VPS13D: variants seen among roughly 807,000 people sequenced by gnomAD.
The protein encoded by VPS13D is vacuolar protein sorting 13 homolog D.
A neutral mutation model predicts 461.9 loss-of-function variants in VPS13D; 187 were observed. The observed-to-expected ratio is 0.40, with a 90% CI of 0.36 to 0.46. VPS13D has a LOEUF of 0.46. Among genes scored for constraint, VPS13D ranks in the 20% least tolerant of loss-of-function variants. The pLI, the probability that VPS13D is intolerant of heterozygous loss-of-function variation, is 0.60. For missense variants in VPS13D, 4,711 were observed against 5,364.9 expected (o/e 0.88, Z 3.81); for synonymous variants, 1,951 against 1,986.3 (o/e 0.98, Z 0.47).
chr1:12,453,534 G>C lies in VPS13D; in HGVS notation c.12334-2464G>C, dbSNP rs1480768729. 2.0e-5 allele frequency among the ~76,000 whole-genome samples: 3 copies of C among 152,238 alleles called. No individual in the cohort carries two copies. In the East Asian group the frequency reaches 5.8e-4, roughly 29 times the overall value. Reference sequence around the variant, plus strand: ...CTTAACTGTGGTTCTCACAGCGTCTGGGGCACCAGAGAGACACGTTTTTGT... The same window carrying C: ...CTTAACTGTGGTTCTCACAGCGTCTCGGGCACCAGAGAGACACGTTTTTGT... On this transcript the variant is annotated intron_variant, in intron 65 of 69. Coordinates refer to ENST00000620676, the MANE Select transcript of VPS13D (RefSeq NM_015378.4).
At chr1:12,456,592 C>G (rs1367966183) in intron 66 of VPS13D, among the ~76,000 whole-genome samples, 1 of 134,014 alleles carries the variant, frequency 7.5e-6, no homozygotes, top group Non-Finnish European at 1.5e-5. Flanking sequence ...GAGCTGAGAT[C>G]GTGCCACTGC....
intron 46 of VPS13D, among the ~76,000 whole-genome samples, chr1:12,352,965 C>CAAAAAAAAAAAAAAAAAAAAAAA (rs61588046): frequency 5.7e-5 from 1 of 17,588 alleles, no homozygotes; most frequent in Non-Finnish European, 1.0e-4. Flanking sequence ...AACTCAGTCT[C>CAAAAAAAAAAAAAAAAAAAAAAA]AAAAAAAAAA....
chr1:12,370,583 A>G (rs564853159), intron 54 of VPS13D, among the ~76,000 whole-genome samples: 1 of 152,350 alleles, frequency 6.6e-6, no homozygotes, highest in African/African-American at 2.4e-5. Context: ...TAATAATTGA[A>G]TCTGCAGAGA....
At chr1:12,404,360 T>C (rs888939786) in intron 63 of VPS13D, among the ~76,000 whole-genome samples, 4 of 152,130 alleles carry the variant, frequency 2.6e-5, no homozygotes, top group African/African-American at 9.7e-5. Flanking sequence ...GCATCTTCTT[T>C]TTGTGCCCGA....
chr1:12,459,948 ATT>A (rs779399019), intron 66 of VPS13D, among the ~76,000 whole-genome samples: 15,148 of 121,636 alleles, frequency 0.12, 971 homozygotes, highest in African/African-American at 0.27. Flanking sequence ...CTTTTCTCTG[ATT>A]TTTTTTTTTT....
At chr1:12,286,100 A>G (rs925079087) in intron 21 of VPS13D, among the ~76,000 whole-genome samples, 3 of 141,690 alleles carry the variant, frequency 2.1e-5, no homozygotes, top group Admixed American at 1.5e-4. Flanking sequence ...TTCTTTTCGA[A>G]GGAGTCTTGC....
rs1487835077 is a variant in VPS13D, at chr1:12,369,423, A to G, written c.10573-44A>G. Reference sequence around the variant, plus strand: ...CACTGACTCACTTTTCAGTAACCCCACTCTGAATGAAAGTCCTCTTTGTCC... The same window carrying G: ...CACTGACTCACTTTTCAGTAACCCCGCTCTGAATGAAAGTCCTCTTTGTCC... On this transcript the variant is annotated intron_variant, in intron 53 of 69. Coordinates refer to ENST00000620676, the MANE Select transcript of VPS13D (RefSeq NM_015378.4). 5 of 1,577,744 alleles carry G rather than the reference A, an allele frequency of 3.2e-6. No homozygotes were observed. In the African/African-American group the frequency reaches 6.8e-5, roughly 21 times the overall value.
chr1:12,349,416 T>C, intron 46 of VPS13D, 42 bp downstream of exon 46: 2 of 1,587,888 alleles, frequency 1.3e-6, no homozygotes, highest in Non-Finnish European at 1.7e-6. Flanking sequence ...TTTGCCTTTT[T>C]TTTTTCTTTT....
intron 42 of VPS13D, among the ~76,000 whole-genome samples, chr1:12,344,628 C>G (rs1486302898): frequency 6.6e-6 from 1 of 152,108 alleles, no homozygotes; most frequent in Non-Finnish European, 1.5e-5. Context: ...TTTCATAATC[C>G]ATTTCAGGTC....
chr1:12,288,676 G>T (rs1374772640), intron 22 of VPS13D, among the ~76,000 whole-genome samples: 2 of 151,632 alleles, frequency 1.3e-5, no homozygotes, highest in African/African-American at 4.9e-5. Context: ...ATATTTTTGA[G>T]AGTTAAAGGG....
chr1:12,343,149 AT>A (rs1301899852), intron 42 of VPS13D, 98 bp downstream of exon 42: 5 of 914,548 alleles, frequency 5.5e-6, no homozygotes, highest in Non-Finnish European at 7.4e-6. Flanking sequence ...AAATGATTTT[AT>A]TTTATTTTAT....
At chr1:12,448,062 C>G (rs1404699424) in intron 65 of VPS13D, among the ~76,000 whole-genome samples, 1 of 152,106 alleles carries the variant, frequency 6.6e-6, no homozygotes, top group Non-Finnish European at 1.5e-5. Context: ...TTTCCAAGTG[C>G]TTTCGTAACC....
intron 39 of VPS13D, chr1:12,337,869 T>C (rs907018611): frequency 1.6e-5 from 3 of 192,956 alleles, no homozygotes; most frequent in Non-Finnish European, 3.3e-5. Flanking sequence ...AAATCTGTAC[T>C]GATGGATTTT....
intron 50 of VPS13D, among the ~76,000 whole-genome samples, chr1:12,362,165 G>T (rs1258879942): frequency 6.6e-6 from 1 of 152,168 alleles, no homozygotes; most frequent in Non-Finnish European, 1.5e-5. Flanking sequence ...ACCCGGCCAT[G>T]AATAAGTTCT....
intron 42 of VPS13D, 57 bp from the exon 43 acceptor site, chr1:12,345,317 C>T: frequency 6.5e-7 from 1 of 1,548,392 alleles, no homozygotes; most frequent in South Asian, 1.2e-5. Context: ...TTTGCTTCTA[C>T]TTTTCATCCC....
intron 43 of VPS13D, 131 bp downstream of exon 43, chr1:12,345,640 G>C: frequency 7.9e-7 from 1 of 1,267,908 alleles, no homozygotes; most frequent in Non-Finnish European, 1.1e-6. Flanking sequence ...GACTGGGTCA[G>C]TCATAGGCAT....
At chr1:12,375,585 C>T (rs1351425473) in intron 55 of VPS13D, among the ~76,000 whole-genome samples, 7 of 152,180 alleles carry the variant, frequency 4.6e-5, no homozygotes, top group African/African-American at 9.7e-5. Context: ...ACTCATCCTC[C>T]GTCACCACAG....
At chr1:12,294,812 A>G (rs1366497694) in intron 24 of VPS13D, among the ~76,000 whole-genome samples, 5 of 151,578 alleles carry the variant, frequency 3.3e-5, no homozygotes, top group Non-Finnish European at 7.4e-5. Flanking sequence ...CTCCGTCTCA[A>G]AAAAAAAAGT....
intron 65 of VPS13D, among the ~76,000 whole-genome samples, chr1:12,451,433 ATCAT>A (rs1474704699): frequency 6.6e-6 from 1 of 152,192 alleles, no homozygotes; most frequent in Non-Finnish European, 1.5e-5. Flanking sequence ...GAAGGGGAAA[ATCAT>A]TGTCTTTGTG....
Sources: gnomAD v4.1 joint callset for allele counts (sites outside exome capture counted in the v4.1 genomes callset) on GRCh38, gnomAD v4.1.1 for gene constraint, MANE v1.5 for transcripts, NCBI Gene and HGNC (gene_info 2026-07-23, HGNC 2026-07-21) for gene names.